The following GPR158 variants were observed in gnomAD, a reference collection of about 807,000 sequenced individuals.
GPR158 encodes metabotropic glycine receptor.
GPR158 carries 30 observed loss-of-function variants against 78.2 expected under a neutral mutation model. That is an observed-to-expected ratio of 0.38 (90% confidence interval 0.29 to 0.52). GPR158 has a LOEUF of 0.52. GPR158 is among the 20% of genes least tolerant of loss of function. The probability of loss-of-function intolerance (pLI) is 0.83; values close to 1 mark genes in which losing one functional copy is unlikely to be tolerated. For synonymous variants in GPR158, 581 were observed against 591.1 expected (o/e 0.98, Z 0.25); for missense variants, 1,463 against 1,523.5 (o/e 0.96, Z 0.66).
intron 4 of GPR158, among the ~76,000 whole-genome samples, chr10:25,445,921 G>A (rs1053044854): frequency 6.6e-6 from 1 of 152,144 alleles, no homozygotes. Flanking sequence ...TGAGGTTAAG[G>A]TATTCAAGAA....
In GPR158 at chr10:25,516,136, T is replaced by C. The variant is rs1002339637; in HGVS notation, c.1405-34840T>C. On this transcript the variant is annotated intron_variant, in intron 5 of 10. Transcript: ENST00000376351. ...TGATGGCCAGTGATGATGAGCATTT[T>C]TTCATGTGTTTTTTGGCTGCATAAA... Among the ~76,000 whole-genome samples the C allele has an allele frequency of 4.6e-5, 7 of 152,182 alleles. No homozygotes were observed. In the South Asian group the frequency reaches 6.2e-4, roughly 14 times the overall value.
intron 2 of GPR158, among the ~76,000 whole-genome samples, chr10:25,345,611 G>A (rs1211742581): frequency 6.6e-6 from 1 of 151,972 alleles, no homozygotes; most frequent in Non-Finnish European, 1.5e-5. Flanking sequence ...TGATGCAAAT[G>A]TACTGTTGAT....
chr10:25,343,119 C>T (rs1235138580), intron 2 of GPR158, among the ~76,000 whole-genome samples: 1 of 151,932 alleles, frequency 6.6e-6, no homozygotes, highest in Non-Finnish European at 1.5e-5. Context: ...CTTAAGATGT[C>T]TTATAGCCCC....
chr10:25,407,298 C>T (rs991184914), intron 3 of GPR158, among the ~76,000 whole-genome samples: 4 of 152,114 alleles, frequency 2.6e-5, no homozygotes, highest in African/African-American at 4.8e-5. Context: ...TGCATTGCCT[C>T]TTGTAAAATA....
intron 2 of GPR158, among the ~76,000 whole-genome samples, chr10:25,341,699 A>G (rs1855304682): frequency 6.6e-6 from 1 of 151,912 alleles, no homozygotes; most frequent in South Asian, 2.1e-4. Flanking sequence ...CTTCACTTTC[A>G]TAAACTATTA....
At chr10:25,502,506 A>G (rs1030468091) in intron 5 of GPR158, among the ~76,000 whole-genome samples, 2 of 152,210 alleles carry the variant, frequency 1.3e-5, no homozygotes, top group Non-Finnish European at 2.9e-5. Context: ...TTTGCAGCCC[A>G]GTAGTCCTCC....
At position 25,235,693 on chromosome 10, in the gene GPR158, A is replaced by ATT. The variant is rs930396368; in HGVS notation, c.1008+14556_1008+14557dup. ...CCTATGTAAAGTGTTTTGCACAGTA[A>ATT]TTTTTTTTTTTTTTTTTTTTTGAGA... is the stretch of plus-strand genomic sequence containing the variant. On this transcript the variant is annotated intron_variant, in intron 2 of 10. Transcript: ENST00000376351. Among the ~76,000 whole-genome samples, 360 of 113,764 alleles carry ATT rather than the reference A, an allele frequency of 3.2e-3. 7 individuals carry two copies. The highest frequency in any genetic ancestry group is 9.6e-3 in the South Asian group (32 of 3,350). The allele number at this position is 113,764 out of a possible 152,430, so 74.6% of individuals were successfully genotyped here. A position where few individuals can be genotyped will look rare whatever the true frequency, so the allele number is the denominator to read the frequency against.
Position 25,176,725 on chromosome 10 carries a change from A to G in GPR158, c.902+403A>G, listed in dbSNP as rs952338284. Among the ~76,000 whole-genome samples, 1 of 152,262 alleles carries G rather than the reference A, an allele frequency of 6.6e-6. No individual in the cohort carries two copies. The highest frequency in any genetic ancestry group is 1.5e-5 in the Non-Finnish European group (1 of 68,048). On this transcript the variant is annotated intron_variant, in intron 1 of 10. Transcript: ENST00000376351. This position sits in a 1 kb window ranked among gnomAD's most constrained non-coding sequence, Gnocchi z 6.3. ...GTGTGTCCGCGGAGTGGCAAGCCTC[A>G]GATGAGAGGCGAAAAGGGAGCAGGA...
At chr10:25,217,561 T>C (rs16925463) in intron 1 of GPR158, among the ~76,000 whole-genome samples, 4,360 of 152,276 alleles carry the variant, frequency 0.029, 181 homozygotes, top group African/African-American at 0.089. Context: ...AAGAGTATGC[T>C]AGTATTAAAT....
intron 5 of GPR158, among the ~76,000 whole-genome samples, chr10:25,531,184 G>A (rs1031538112): frequency 6.6e-6 from 1 of 152,118 alleles, no homozygotes; most frequent in African/African-American, 2.4e-5. Flanking sequence ...TTTTTATAGA[G>A]AACGGCACCT....
At chr10:25,359,711 A>G (rs575100835) in intron 2 of GPR158, among the ~76,000 whole-genome samples, 1 of 152,292 alleles carries the variant, frequency 6.6e-6, no homozygotes, top group South Asian at 2.1e-4. Context: ...TAGTGCTGCA[A>G]TAAACATATG....
intron 7 of GPR158, among the ~76,000 whole-genome samples, chr10:25,577,428 C>T (rs1462398857): frequency 1.4e-5 from 2 of 141,428 alleles, no homozygotes; most frequent in Admixed American, 7.0e-5. Context: ...AGAGTTCGTT[C>T]AGAAAAAAAG....
intron 2 of GPR158, among the ~76,000 whole-genome samples, chr10:25,236,399 T>G (rs548010231): frequency 1.3e-5 from 2 of 152,038 alleles, no homozygotes; most frequent in African/African-American, 2.4e-5. Flanking sequence ...TCCCAGCTAC[T>G]CGGGAGGCTG....
At chr10:25,469,838 C>T (rs375486876) in intron 5 of GPR158, among the ~76,000 whole-genome samples, 6 of 151,222 alleles carry the variant, frequency 4.0e-5, no homozygotes, top group Admixed American at 4.0e-4. Flanking sequence ...TGAGCCCCCC[C>T]CAACATTCAC....
At chr10:25,191,690 T>C (rs1371836689) in intron 1 of GPR158, among the ~76,000 whole-genome samples, 2 of 152,080 alleles carry the variant, frequency 1.3e-5, no homozygotes, top group Admixed American at 6.6e-5. Context: ...CTGAAAAAAT[T>C]TGGTTACAGG....
chr10:25,394,798 A>C (rs1834346630), intron 2 of GPR158, among the ~76,000 whole-genome samples: 2 of 152,140 alleles, frequency 1.3e-5, no homozygotes, highest in African/African-American at 4.8e-5. Flanking sequence ...ATACTTATCT[A>C]ATTGCTGGAG....
chr10:25,423,746 G>A (rs573645169), intron 4 of GPR158, among the ~76,000 whole-genome samples: 129 of 152,174 alleles, frequency 8.5e-4, no homozygotes, highest in African/African-American at 2.9e-3. Context: ...AGTATTCCAT[G>A]GTGTATATGT....
intron 1 of GPR158, among the ~76,000 whole-genome samples, chr10:25,182,574 G>C (rs1214233617): frequency 2.0e-5 from 3 of 152,200 alleles, no homozygotes; most frequent in East Asian, 3.9e-4. Flanking sequence ...ACTGTCTGGA[G>C]AGATAACTGA....
chr10:25,241,139 TTC>T lies in GPR158; in HGVS notation c.1008+19984_1008+19985del, dbSNP rs565067152. Among the ~76,000 whole-genome samples the T allele has an allele frequency of 1.3e-4, 12 of 90,996 alleles. No individual in the cohort carries two copies. The South Asian group carries it at 4.5e-3, about 34-fold the overall frequency. 59.7% of individuals were successfully genotyped at this position (90,996 alleles called of 152,430 possible). On this transcript the variant is annotated intron_variant, in intron 2 of 10. Coordinates refer to ENST00000376351, the MANE Select transcript of GPR158 (RefSeq NM_020752.3). ...TTTTACTTTGATTTTCTTTCTTTCTTTCTTTCTTTCTTTCTTTCTTTCTTTCT... is the reference window on the plus strand; with the variant it reads ...TTTTACTTTGATTTTCTTTCTTTCTTTTTCTTTCTTTCTTTCTTTCTTTCT...
Sources: gnomAD v4.1 joint callset for allele counts (sites outside exome capture counted in the v4.1 genomes callset) on GRCh38, gnomAD v4.1.1 for gene constraint, Gnocchi (gnomAD v3.1) non-coding constraint, MANE v1.5 for transcripts, NCBI Gene and HGNC (gene_info 2026-07-23, HGNC 2026-07-21) for gene names.